Variants in NEB observed in about 807,000 individuals in gnomAD.
The protein encoded by NEB is nemaline myopathy type 2.
Under a neutral mutation model 952.2 loss-of-function variants are expected in NEB, and 512 were observed. That is an observed-to-expected ratio of 0.54 (90% CI 0.50 to 0.58). NEB has a LOEUF of 0.58. NEB is among the 20% of genes least tolerant of loss of function. NEB has a pLI of 0.00. For synonymous variants in NEB, 2,900 were observed against 3,149.8 expected (o/e 0.92, Z 2.66); for missense variants, 8,428 against 9,231.1 (o/e 0.91, Z 3.56).
At position 151,527,000 on chromosome 2, in the gene NEB, T is replaced by C. The variant is rs747282707; in HGVS notation, c.21863A>G (p.Glu7288Gly). 2.3e-5 allele frequency: 36 copies of C among 1,599,920 alleles called. No homozygotes were observed. The highest frequency in any genetic ancestry group is 3.4e-6 in the Non-Finnish European group (4 of 1,172,094). Reference sequence around the variant, plus strand: ...AGAAAGCTTGCAACCCTTGAGGAACTCCCGGTCCAGCTTATATTCAAACTG... The same window carrying C: ...AGAAAGCTTGCAACCCTTGAGGAACCCCCGGTCCAGCTTATATTCAAACTG... ...QSDFEYKLDR[E>G]FLKGCKLSVT... Residue 7288 changes from glutamate (E) to glycine (G), a missense_variant, in exon 148 of 182, where the codon GAG (glutamate) becomes GGG (glycine). Glu to Gly is a moderately conservative substitution (Grantham distance 98). This residue lies in a region of NEB where 3,374 missense variants were observed against 3,651.5 expected (regional missense o/e 0.92). Coordinates refer to ENST00000397345, the MANE Select transcript of NEB (RefSeq NM_001164508.2).
intron 45 of NEB, 146 bp from the exon 46 acceptor site, chr2:151,662,487 T>A: frequency 1.6e-6 from 1 of 610,846 alleles, no homozygotes; most frequent in Non-Finnish European, 2.6e-6. Flanking sequence ...TATTGGTATT[T>A]AACCAATAGC....
rs377372435 is a variant in NEB at position 151,650,213 on chromosome 2, A to G, written c.7394T>C (p.Ile2465Thr). The G allele has an allele frequency of 3.7e-6, 6 of 1,613,810 alleles. No individual in the cohort carries two copies. Among genetic ancestry groups the G allele is most frequent in the Admixed American group, 1.7e-5 (1 of 59,982 alleles). ...TTTGGCATTTGTCTTTGCCAGAACTATATCCATGGCATCAGGAATGCTGGT... is the reference window on the plus strand; with the variant it reads ...TTTGGCATTTGTCTTTGCCAGAACTGTATCCATGGCATCAGGAATGCTGGT... ...KFTSIPDAMD[I>T]VLAKTNAKNR... Residue 2465 changes from isoleucine to threonine, a missense_variant, in exon 54 of 182, where the codon ATA becomes ACA. This residue lies in a region of NEB where 1,772 missense variants were observed against 1,960.3 expected (regional missense o/e 0.90). Transcript: ENST00000397345.
At position 151,518,474 on chromosome 2, in the gene NEB, T is replaced by C. The variant is rs555321675; in HGVS notation, c.22696-52A>G. On this transcript the variant is annotated intron_variant, in intron 155 of 181. Transcript: ENST00000397345. ...CATTGATGGAGAAGCTGCTCAGCAT[T>C]CCTATTTTTCCTCTTTAGATTAGAC... is the stretch of plus-strand genomic sequence containing the variant. The C allele has an allele frequency of 9.1e-6, 10 of 1,103,818 alleles. No individual in the cohort carries two copies. In the African/African-American group the frequency reaches 1.6e-4, roughly 17 times the overall value. The allele number at this position is 1,103,818 out of a possible 1,614,324, so 68.4% of individuals were successfully genotyped here.
Position 151,496,311 on chromosome 2 carries a change from C to G in NEB, c.24451G>C (p.Glu8151Gln). The G allele has an allele frequency of 1.2e-6, 2 of 1,612,138 alleles. No homozygotes were observed. Among genetic ancestry groups the G allele is most frequent in the Non-Finnish European group, 1.7e-6 (2 of 1,178,966 alleles). ...TTTTCTTGATTGTGTTTGACTCGCT[C>G]CATCTCGGGAGTGACAGCTAAAGGA... ...GTPLAVTPEM[E>Q]RVKHNQENIS... The change falls in exon 173 of 182, where the codon GAG becomes CAG. Residue 8151 changes from glutamate (E) to glutamine (Q), a missense_variant. This residue lies in a region of NEB where 3,374 missense variants were observed against 3,651.5 expected (regional missense o/e 0.92). Coordinates refer to ENST00000397345, the MANE Select transcript of NEB (RefSeq NM_001164508.2).
rs1451298729 is a variant in NEB at position 151,672,621 on chromosome 2, G to A, written c.4047C>T (p.Leu1349=). The stretch of plus-strand genomic sequence containing the variant: ...AGTGGACCAGCTTGGGATCATCCTG[G>A]AGGCTTCTGAAACCCACATGCTTTC... ...SKGKHVGFRS[L]QDDPKLVHYM... The change falls in exon 37 of 182, where the codon CTC becomes CTT. Residue 1349 remains leucine (L), a synonymous_variant. Transcript: ENST00000397345. 2 of 1,613,950 alleles carry A rather than the reference G, an allele frequency of 1.2e-6. No homozygotes were observed. The highest frequency in any genetic ancestry group is 1.7e-6 in the Non-Finnish European group (2 of 1,179,870).
At chr2:151,582,989 T>C (rs2097136981) in intron 101 of NEB, among the ~76,000 whole-genome samples, 1 of 101,476 alleles carries the variant, frequency 9.9e-6, no homozygotes, top group Non-Finnish European at 2.2e-5. Context: ...CCACTGGAAG[T>C]AACATCAGTA....
In NEB at chr2:151,568,310, C is replaced by T; in HGVS notation, c.17736+6G>A. The T allele has an allele frequency of 6.2e-7, 1 of 1,612,070 alleles. No individual in the cohort carries two copies. Among genetic ancestry groups the T allele is most frequent in the Non-Finnish European group, 8.5e-7 (1 of 1,178,500 alleles). Reference sequence around the variant, plus strand: ...CAAACACCAGGCATGTGGGTGAAACCCATACCTGGTCCAGTATCCTAGCAG... The same window carrying T: ...CAAACACCAGGCATGTGGGTGAAACTCATACCTGGTCCAGTATCCTAGCAG... On this transcript the variant is annotated splice_donor_region_variant and intron_variant, in intron 112 of 181. Transcript: ENST00000397345.
chr2:151,529,658 G>A (rs143265967), intron 145 of NEB, among the ~76,000 whole-genome samples: 12 of 152,122 alleles, frequency 7.9e-5, no homozygotes, highest in African/African-American at 1.9e-4. Flanking sequence ...AGCCTCCTGA[G>A]TACCTGGGAC....
rs751093136 is a variant in NEB, at chr2:151,627,069, T to C, written c.10280A>G (p.Lys3427Arg). Residue 3427 changes from lysine to arginine, a missense_variant, in exon 70 of 182, where the codon AAA (lysine) becomes AGA (arginine). Lys to Arg is a conservative substitution (Grantham distance 26). Transcript: ENST00000397345. ...TAGAGAGTCAGTCACACTGGTAAAT[T>C]TCAGCTTGTCCGGAGGCTGGCGGTA... Reference protein sequence around the residue: ...NIYRQPPDKLKFTSVTDSLEQ... With the variant: ...NIYRQPPDKLRFTSVTDSLEQ... The C allele has an allele frequency of 8.1e-6, 13 of 1,613,866 alleles. No individual in the cohort carries two copies. The highest frequency in any genetic ancestry group is 1.0e-5 in the Non-Finnish European group (12 of 1,179,878).
intron 38 of NEB, among the ~76,000 whole-genome samples, chr2:151,669,658 G>C (rs897499905): frequency 6.6e-6 from 1 of 152,152 alleles, no homozygotes; most frequent in Non-Finnish European, 1.5e-5. Context: ...GGGTAGACGT[G>C]GGGGTGGAGC....
chr2:151,578,709 A>G (rs1442281629), intron 105 of NEB, among the ~76,000 whole-genome samples: 1 of 146,868 alleles, frequency 6.8e-6, no homozygotes, highest in Non-Finnish European at 1.5e-5. Context: ...GAAGGAGGGA[A>G]GGAAGGAAGG....
intron 78 of NEB, among the ~76,000 whole-genome samples, chr2:151,611,127 A>G (rs2097938339): frequency 6.6e-6 from 1 of 152,172 alleles, no homozygotes; most frequent in Non-Finnish European, 1.5e-5. Flanking sequence ...CTTTTCATCC[A>G]CTGAATCACA....
chr2:151,631,793 A>G (rs1224663258), intron 65 of NEB, among the ~76,000 whole-genome samples: 4 of 152,236 alleles, frequency 2.6e-5, no homozygotes, highest in African/African-American at 9.6e-5. Context: ...CATTAATACA[A>G]TATGAAATTT....
Position 151,633,732 on chromosome 2 carries a change from G to C in NEB, c.9336C>G (p.Asn3112Lys), listed in dbSNP as rs774943443. 42 of 1,613,998 alleles carry C rather than the reference G, an allele frequency of 2.6e-5. No individual in the cohort carries two copies. Among genetic ancestry groups the C allele is most frequent in the Non-Finnish European group, 3.3e-5 (39 of 1,179,896 alleles). Residue 3112 changes from asparagine to lysine, a missense_variant, in exon 65 of 182, where the codon AAC becomes AAG. Physicochemically the swap from Asn to Lys is moderately conservative, Grantham distance 94. Transcript: ENST00000397345. ...QTLVSDVDYK[N>K]YLHEWTCLPD... ...GCAGGCATGTCCACTCGTGCAGGTAGTTCTTATAGTCCACGTCACTGACTA... is the reference window on the plus strand; with the variant it reads ...GCAGGCATGTCCACTCGTGCAGGTACTTCTTATAGTCCACGTCACTGACTA...
At chr2:151,633,601 A>C in intron 65 of NEB, 53 bp downstream of exon 65, 1 of 1,547,892 alleles carries the variant, frequency 6.5e-7, no homozygotes, top group South Asian at 1.2e-5. Context: ...GATAATTTTC[A>C]CATAGTTTAA....
At position 151,530,974 on chromosome 2, in the gene NEB, T is replaced by C; in HGVS notation, c.21630+20A>G. ...AGGAGGCCAAGATGAGAGGGACTGCTAAACCATTCTAGTACTTACATCACT... is the reference window on the plus strand; with the variant it reads ...AGGAGGCCAAGATGAGAGGGACTGCCAAACCATTCTAGTACTTACATCACT... On this transcript the variant is annotated intron_variant, in intron 145 of 181. Transcript: ENST00000397345. The C allele has an allele frequency of 1.3e-6, 2 of 1,554,440 alleles. No individual in the cohort carries two copies. Among genetic ancestry groups the C allele is most frequent in the Non-Finnish European group, 1.8e-6 (2 of 1,128,728 alleles).
chr2:151,659,667 TA>T (rs2099125150), intron 46 of NEB, among the ~76,000 whole-genome samples: 1 of 151,570 alleles, frequency 6.6e-6, no homozygotes, highest in South Asian at 2.1e-4. Flanking sequence ...AGATGGAAAG[TA>T]AAAATGTTTT....
chr2:151,656,000 A>G lies in NEB; in HGVS notation c.6519T>C (p.Asn2173=). The G allele has an allele frequency of 6.2e-7, 1 of 1,613,576 alleles. No individual in the cohort carries two copies. Among genetic ancestry groups the G allele is most frequent in the Non-Finnish European group, 8.5e-7 (1 of 1,179,674 alleles). Residue 2173 remains asparagine (N), a synonymous_variant, in exon 50 of 182, where the codon AAT becomes AAC. Transcript: ENST00000397345. ...TCCAGCCAAGCCCTTTGTACCATTC[A>G]TTGTAATCTTGCTTATATTCATTCT... ...QSDNEYKQDY[N]EWYKGLGWSP...
chr2:151,572,736 G>C (rs1267327372), intron 107 of NEB, among the ~76,000 whole-genome samples: 1 of 150,476 alleles, frequency 6.6e-6, no homozygotes, highest in Non-Finnish European at 1.5e-5. Flanking sequence ...TAGTAGAGAT[G>C]GGGTTTCATT....
Sources: allele counts gnomAD v4.1 joint callset (sites outside exome capture counted in the v4.1 genomes callset), GRCh38; gene constraint gnomAD v4.1.1; regional missense constraint gnomAD v4.1.1; transcripts MANE v1.5; gene names NCBI Gene and HGNC (gene_info 2026-07-23, HGNC 2026-07-21).